RTKN2: variants seen among roughly 807,000 people sequenced by gnomAD.
The protein encoded by RTKN2 is rhotekin 2.
RTKN2 carries 69 observed loss-of-function variants against 71.5 expected under a neutral mutation model. That is an observed-to-expected ratio of 0.96 (90% confidence interval 0.79 to 1.18). The LOEUF is 1.18. RTKN2 is among the 50% of genes most tolerant of loss of function. The pLI, the probability that RTKN2 is intolerant of heterozygous loss-of-function variation, is 0.00. For synonymous variants in RTKN2, 236 were observed against 236.5 expected (o/e 1.00, Z 0.02); for missense variants, 724 against 719.7 (o/e 1.01, Z -0.07).
rs112114171 is a variant in RTKN2, at chr10:62,194,655, G to A, written c.*3253C>T. 1.8e-4 allele frequency: 178 copies of A among 985,264 alleles called. No homozygotes were observed. The African/African-American group carries it at 2.8e-3, about 16-fold the overall frequency. 61.0% of individuals were successfully genotyped at this position (985,264 alleles called of 1,614,324 possible). A position where few individuals can be genotyped will look rare whatever the true frequency, so the allele number is the denominator to read the frequency against. Reference sequence around the variant, plus strand: ...ATTCAAATGGCATTTAACATAAATTGCACCAAACTGCCCTATAATTTCATT... The same window carrying A: ...ATTCAAATGGCATTTAACATAAATTACACCAAACTGCCCTATAATTTCATT... On this transcript the variant is annotated 3_prime_UTR_variant, in exon 12 of 12. Coordinates refer to ENST00000373789, the MANE Select transcript of RTKN2 (RefSeq NM_145307.4).
At chr10:62,206,297 A>G (rs1291510363) in intron 9 of RTKN2, among the ~76,000 whole-genome samples, 1 of 152,152 alleles carries the variant, frequency 6.6e-6, no homozygotes, top group Non-Finnish European at 1.5e-5. Flanking sequence ...TTAAGAATAG[A>G]AAGAAATTCT....
At chr10:62,234,794 CTG>C (rs1842221403) in intron 6 of RTKN2, among the ~76,000 whole-genome samples, 1 of 152,120 alleles carries the variant, frequency 6.6e-6, no homozygotes, top group Non-Finnish European at 1.5e-5. Context: ...TTATCCTTGG[CTG>C]TTAAAAACCA....
intron 6 of RTKN2, among the ~76,000 whole-genome samples, chr10:62,231,121 TTAAAATGTAGTATTA>T (rs1338775724): frequency 2.6e-5 from 4 of 152,200 alleles, no homozygotes; most frequent in African/African-American, 9.6e-5. Flanking sequence ...TTAATCATAT[TTAAAATGTAGTATTA>T]TAAAATGTAG....
downstream of RTKN2, among the ~76,000 whole-genome samples, chr10:62,192,030 C>G (rs1841230462): frequency 6.7e-6 from 1 of 150,228 alleles, no homozygotes; most frequent in South Asian, 2.1e-4. Context: ...ATTTAATAAA[C>G]ACAACTATAT....
intron 4 of RTKN2, among the ~76,000 whole-genome samples, chr10:62,240,334 TA>T (rs11312658): frequency 0.16 from 24,865 of 151,830 alleles, 2,157 homozygotes; most frequent in African/African-American, 0.19. Flanking sequence ...GGTGATGTTT[TA>T]AAAAGTATTA....
intron 1 of RTKN2, among the ~76,000 whole-genome samples, chr10:62,264,096 C>T (rs1842826548): frequency 1.3e-5 from 2 of 151,978 alleles, no homozygotes; most frequent in South Asian, 4.1e-4. Flanking sequence ...TATAATTTAC[C>T]TTCTGAATGG....
intron 8 of RTKN2, among the ~76,000 whole-genome samples, chr10:62,217,982 C>T (rs1841812928): frequency 6.6e-6 from 1 of 152,064 alleles, no homozygotes; most frequent in African/African-American, 2.4e-5. Context: ...AGAGGTAGCG[C>T]CTTAGCCATC....
At chr10:62,187,505 T>C (rs1384239139) in intron 8 of RTKN2, among the ~76,000 whole-genome samples, 3 of 152,130 alleles carry the variant, frequency 2.0e-5, no homozygotes, top group African/African-American at 7.2e-5. Context: ...ACACATTCAG[T>C]CACCTTAAGA....
At chr10:62,264,595 C>A (rs1292300843) in intron 1 of RTKN2, among the ~76,000 whole-genome samples, 7 of 152,154 alleles carry the variant, frequency 4.6e-5, no homozygotes, top group African/African-American at 1.4e-4. Context: ...AGGGAGCAAC[C>A]TAAAGCTGGG....
chr10:62,227,540 A>G (rs1390244449), intron 6 of RTKN2, among the ~76,000 whole-genome samples: 1 of 152,126 alleles, frequency 6.6e-6, no homozygotes, highest in African/African-American at 2.4e-5. Flanking sequence ...GAGATGTCCA[A>G]AAGGTAAGTA....
chr10:62,195,601 GGGAATGAAGGAAGGAAGGAAGGAAGGAA>G lies in RTKN2; in HGVS notation c.*2279_*2306del, dbSNP rs1194601976. 5 of 522,846 alleles carry G rather than the reference GGGAATGAAGGAAGGAAGGAAGGAAGGAA, an allele frequency of 9.6e-6. No homozygotes were observed. The highest frequency in any genetic ancestry group is 1.7e-4 in the East Asian group (1 of 5,846). The allele number at this position is 522,846 out of a possible 1,614,324, so 32.4% of individuals were successfully genotyped here. A position where few individuals can be genotyped will look rare whatever the true frequency, so the allele number is the denominator to read the frequency against. On this transcript the variant is annotated 3_prime_UTR_variant, in exon 12 of 12. Transcript: ENST00000373789. ...AAGGAGGGAAGGAGAGACGGACAGA[GGGAATGAAGGAAGGAAGGAAGGAAGGAA>G]GGAAGGAAGGAAGGAAGGAAGGAAG...
chr10:62,208,685 A>C (rs1841596826), intron 9 of RTKN2, among the ~76,000 whole-genome samples: 1 of 152,100 alleles, frequency 6.6e-6, no homozygotes, highest in South Asian at 2.1e-4. Context: ...ACAAACAAAC[A>C]AAAAAACAAA....
intron 6 of RTKN2, among the ~76,000 whole-genome samples, chr10:62,231,224 C>T (rs111450958): frequency 9.2e-5 from 14 of 152,024 alleles, no homozygotes; most frequent in African/African-American, 1.9e-4. Context: ...AGTTTTCACA[C>T]GATGATTGCT....
chr10:62,211,997 C>T (rs1327909834), intron 9 of RTKN2, among the ~76,000 whole-genome samples: 5 of 152,030 alleles, frequency 3.3e-5, no homozygotes, highest in African/African-American at 1.2e-4. Context: ...TTACTTGATC[C>T]TTACCTGCTG....
chr10:62,228,431 T>C (rs1842076602), intron 6 of RTKN2, among the ~76,000 whole-genome samples: 1 of 152,168 alleles, frequency 6.6e-6, no homozygotes, highest in African/African-American at 2.4e-5. Flanking sequence ...CTGTTGACCT[T>C]GACGAGACTA....
rs73287451 is a variant in RTKN2, at chr10:62,241,293, C to T, written c.317-98G>A. The T allele has an allele frequency of 7.7e-4, 514 of 668,970 alleles. 1 individual carries two copies. The African/African-American group carries it at 8.6e-3, about 11-fold the overall frequency. 41.4% of individuals were successfully genotyped at this position (668,970 alleles called of 1,614,324 possible). ...CTGCATTCCATAATAATTCTGACTA[C>T]TATAGCTAAAATAAAGTGTTATTAT... On this transcript the variant is annotated intron_variant, in intron 3 of 11. Coordinates refer to ENST00000373789, the MANE Select transcript of RTKN2 (RefSeq NM_145307.4).
intron 2 of RTKN2, among the ~76,000 whole-genome samples, chr10:62,253,997 C>T (rs923546008): frequency 1.3e-5 from 2 of 152,024 alleles, no homozygotes; most frequent in Non-Finnish European, 2.9e-5. Flanking sequence ...GGAACCGTGA[C>T]AAGAGCTACT....
chr10:62,185,403 G>C (rs1318346189), intron 8 of RTKN2, among the ~76,000 whole-genome samples: 4 of 152,094 alleles, frequency 2.6e-5, no homozygotes, highest in Admixed American at 2.6e-4. Flanking sequence ...AGATCATGAG[G>C]TCAGGAGTTC....
chr10:62,266,133 T>C (rs911634274), intron 1 of RTKN2, among the ~76,000 whole-genome samples: 6 of 152,176 alleles, frequency 3.9e-5, no homozygotes, highest in African/African-American at 1.2e-4. Context: ...CCTGACGCTA[T>C]AAGTAGTTAA....
Sources: allele counts gnomAD v4.1 joint callset (sites outside exome capture counted in the v4.1 genomes callset), GRCh38; gene constraint gnomAD v4.1.1; transcripts MANE v1.5; gene names NCBI Gene and HGNC (gene_info 2026-07-23, HGNC 2026-07-21).